Variants in MAN1A2 observed in about 807,000 individuals in gnomAD.
MAN1A2 encodes mannosidase alpha class 1A member 2, also known as mannosyl-oligosaccharide 1,2-alpha-mannosidase IB.
A neutral mutation model predicts 75.7 loss-of-function variants in MAN1A2; 26 were observed. The ratio of observed to expected loss-of-function variants is 0.34; its 90% CI spans 0.25 to 0.48. The LOEUF (loss-of-function observed/expected upper bound fraction) is 0.48. Ranked by LOEUF, MAN1A2 falls within the 20% of genes least tolerant of loss-of-function variation. The probability of loss-of-function intolerance (pLI) is 0.99; values close to 1 mark genes in which losing one functional copy is unlikely to be tolerated. For missense variants in MAN1A2, 562 were observed against 775.5 expected (o/e 0.72, Z 3.27); for synonymous variants, 247 against 264.6 (o/e 0.93, Z 0.65).
intron 12 of MAN1A2, among the ~76,000 whole-genome samples, chr1:117,512,826 T>C (rs541503404): frequency 6.6e-6 from 1 of 151,580 alleles, no homozygotes; most frequent in East Asian, 1.9e-4. Flanking sequence ...CTATTTAATA[T>C]AAGCATTTTT....
intron 6 of MAN1A2, among the ~76,000 whole-genome samples, chr1:117,454,681 G>A (rs1415262065): frequency 1.3e-5 from 2 of 152,134 alleles, no homozygotes; most frequent in African/African-American, 2.4e-5. Context: ...GGCACTGGAA[G>A]CAGTAAATAT....
intron 4 of MAN1A2, among the ~76,000 whole-genome samples, chr1:117,416,820 A>G (rs1648009161): frequency 6.6e-6 from 1 of 152,088 alleles, no homozygotes; most frequent in Non-Finnish European, 1.5e-5. Flanking sequence ...CCTCAGGAAG[A>G]CTGTGTCAGA....
At position 117,528,062 on chromosome 1, in the gene MAN1A2, AG is replaced by A. The variant is rs1418821513; in HGVS notation, c.*5106del. The A allele has an allele frequency of 6.6e-6, 1 of 152,050 alleles. No homozygotes were observed. The highest frequency in any genetic ancestry group is 2.4e-5 in the African/African-American group (1 of 41,428). 9.4% of individuals were successfully genotyped at this position (152,050 alleles called of 1,614,324 possible). On this transcript the variant is annotated 3_prime_UTR_variant, in exon 13 of 13. Coordinates refer to ENST00000356554, the MANE Select transcript of MAN1A2 (RefSeq NM_006699.5). ...CTTTACAAGTAAGTAGCATTATTTC[AG>A]AATGTCTATATGCATCATTTTCAAC...
rs1298188275 is a variant in MAN1A2 at position 117,525,845 on chromosome 1, C to G, written c.*2888C>G. On this transcript the variant is annotated 3_prime_UTR_variant, in exon 13 of 13. Transcript: ENST00000356554. ...AAAATAAGTCCCCAGTCAGGTGGTT[C>G]TTACTTTCTTGTGGGTTGCACATTT... 1 of 151,724 alleles carries G rather than the reference C, an allele frequency of 6.6e-6. No homozygotes were observed. Among genetic ancestry groups the G allele is most frequent in the East Asian group, 1.9e-4 (1 of 5,178 alleles). The allele number at this position is 151,724 out of a possible 1,614,324, so 9.4% of individuals were successfully genotyped here.
intron 5 of MAN1A2, among the ~76,000 whole-genome samples, chr1:117,425,859 T>C (rs1173369306): frequency 6.6e-6 from 1 of 152,224 alleles, no homozygotes; most frequent in Non-Finnish European, 1.5e-5. Context: ...TTAGAACTAT[T>C]AAAAATAAAA....
At chr1:117,469,806 C>T (rs971366944) in intron 8 of MAN1A2, among the ~76,000 whole-genome samples, 2 of 152,022 alleles carry the variant, frequency 1.3e-5, no homozygotes, top group Non-Finnish European at 2.9e-5. Context: ...AGACTGTAAT[C>T]AAAAGGATGA....
chr1:117,473,317 A>G (rs1053905506), intron 8 of MAN1A2, among the ~76,000 whole-genome samples: 2 of 152,020 alleles, frequency 1.3e-5, no homozygotes, highest in African/African-American at 4.8e-5. Context: ...AAATATGTCT[A>G]GAATTCAATT....
chr1:117,447,465 G>C (rs1333612077), intron 6 of MAN1A2, among the ~76,000 whole-genome samples: 1 of 152,076 alleles, frequency 6.6e-6, no homozygotes, highest in African/African-American at 2.4e-5. Flanking sequence ...ATAGACATGT[G>C]TTGGTATGAC....
intron 1 of MAN1A2, among the ~76,000 whole-genome samples, chr1:117,386,176 C>A (rs556176874): frequency 1.2e-4 from 18 of 152,096 alleles, no homozygotes; most frequent in African/African-American, 4.1e-4. Context: ...TAAAGGAAAC[C>A]GAAAGGAATC....
rs1570813791 is a variant in MAN1A2, at chr1:117,525,950, A to G, written c.*2993A>G. On this transcript the variant is annotated 3_prime_UTR_variant, in exon 13 of 13. Coordinates refer to ENST00000356554, the MANE Select transcript of MAN1A2 (RefSeq NM_006699.5). The stretch of plus-strand genomic sequence containing the variant: ...AATAAAACCTGGGTATCGAAGGGAA[A>G]TGCATTCTTTTTATGGAGTATTGAC... 1 of 151,842 alleles carries G rather than the reference A, an allele frequency of 6.6e-6. No homozygotes were observed. Among genetic ancestry groups the G allele is most frequent in the East Asian group, 1.9e-4 (1 of 5,172 alleles). The allele number at this position is 151,842 out of a possible 1,614,324, so 9.4% of individuals were successfully genotyped here.
At chr1:117,378,861 C>T (rs1653242329) in intron 1 of MAN1A2, among the ~76,000 whole-genome samples, 1 of 151,458 alleles carries the variant, frequency 6.6e-6, no homozygotes, top group Non-Finnish European at 1.5e-5. Context: ...CAGTTTTTTG[C>T]CAGTTTTCTT....
In MAN1A2 at chr1:117,523,594, G is replaced by A. The variant is rs1038963580; in HGVS notation, c.*637G>A. The A allele has an allele frequency of 5.8e-5, 10 of 171,994 alleles. No homozygotes were observed. The highest frequency in any genetic ancestry group is 1.2e-4 in the Admixed American group (2 of 16,322). 10.7% of individuals were successfully genotyped at this position (171,994 alleles called of 1,614,324 possible). On this transcript the variant is annotated 3_prime_UTR_variant, in exon 13 of 13. Transcript: ENST00000356554. ...CAGTCTATTTCATTGAAATTTCTTG[G>A]TTAAGTTTAATTTTCTCTGGGGGCA... is the stretch of plus-strand genomic sequence containing the variant.
chr1:117,523,148 A>C lies in MAN1A2; in HGVS notation c.*191A>C. 1.4e-6 allele frequency: 1 copy of C among 697,824 alleles called. No individual in the cohort carries two copies. Among genetic ancestry groups the C allele is most frequent in the South Asian group, 1.5e-5 (1 of 64,826 alleles). The allele number at this position is 697,824 out of a possible 1,614,324, so 43.2% of individuals were successfully genotyped here. On this transcript the variant is annotated 3_prime_UTR_variant, in exon 13 of 13. Coordinates refer to ENST00000356554, the MANE Select transcript of MAN1A2 (RefSeq NM_006699.5). ...ATTATTCCATTTTATACCTGACCAAAACATGTTCTGATATGTGTAGGACAG... is the reference window on the plus strand; with the variant it reads ...ATTATTCCATTTTATACCTGACCAACACATGTTCTGATATGTGTAGGACAG...
chr1:117,517,000 G>A (rs537394750), intron 12 of MAN1A2, among the ~76,000 whole-genome samples: 15 of 152,214 alleles, frequency 9.9e-5, no homozygotes, highest in African/African-American at 2.9e-4. Flanking sequence ...GGGCCACATA[G>A]GGTTGCAGGA....
intron 12 of MAN1A2, among the ~76,000 whole-genome samples, chr1:117,518,023 C>T (rs1441352253): frequency 6.6e-6 from 1 of 151,914 alleles, no homozygotes. Flanking sequence ...AGTAATTTTA[C>T]AGAGGATCTT....
At chr1:117,381,430 G>A (rs894436627) in intron 1 of MAN1A2, among the ~76,000 whole-genome samples, 5 of 152,020 alleles carry the variant, frequency 3.3e-5, no homozygotes, top group Non-Finnish European at 7.4e-5. Flanking sequence ...GTGAGAACAT[G>A]CGGTGTTTGG....
intron 1 of MAN1A2, among the ~76,000 whole-genome samples, chr1:117,387,918 C>T (rs1299958787): frequency 6.6e-6 from 1 of 151,964 alleles, no homozygotes; most frequent in Non-Finnish European, 1.5e-5. Flanking sequence ...TAGGGCCCCA[C>T]CCTCACTACT....
rs115689487 is a variant in MAN1A2 at position 117,490,979 on chromosome 1, A to G, written c.1169-2168A>G. On this transcript the variant is annotated intron_variant, in intron 8 of 12. Coordinates refer to ENST00000356554, the MANE Select transcript of MAN1A2 (RefSeq NM_006699.5). ...CTAAGAGAGGTGAGGAAGCTGTAGG[A>G]GAAGAGTTTGAGGCTTACAGAGGTT... is the stretch of plus-strand genomic sequence containing the variant. Among the ~76,000 whole-genome samples, 886 of 152,190 alleles carry G rather than the reference A, an allele frequency of 5.8e-3. 11 individuals are homozygous for G. Among genetic ancestry groups the G allele is most frequent in the African/African-American group, 0.02 (841 of 41,564 alleles).
intron 11 of MAN1A2, among the ~76,000 whole-genome samples, 176 bp downstream of exon 11, chr1:117,499,730 G>A (rs1651140706): frequency 6.8e-6 from 1 of 148,040 alleles, no homozygotes; most frequent in Non-Finnish European, 1.5e-5. Flanking sequence ...TAAATCTTAC[G>A]ATATATATTA....
Sources: allele counts gnomAD v4.1 joint callset (sites outside exome capture counted in the v4.1 genomes callset), GRCh38; gene constraint gnomAD v4.1.1; transcripts MANE v1.5; gene names NCBI Gene and HGNC (gene_info 2026-07-23, HGNC 2026-07-21).